The following PCDHGB1 variants were observed in gnomAD, a reference collection of about 807,000 sequenced individuals.
PCDHGB1 encodes protocadherin gamma subfamily B, 1.
Under a neutral mutation model 56.6 loss-of-function variants are expected in PCDHGB1, and 34 were observed. The observed-to-expected ratio is 0.60, with a 90% CI of 0.46 to 0.80. The LOEUF (loss-of-function observed/expected upper bound fraction) is 0.80, where lower values mean the gene tolerates loss of function less well. PCDHGB1 is among the 30% of genes least tolerant of loss of function. The pLI, the probability that PCDHGB1 is intolerant of heterozygous loss-of-function variation, is 0.00. For missense variants in PCDHGB1, 1,278 were observed against 1,204.6 expected (o/e 1.06, Z -0.90); for synonymous variants, 561 against 505.9 (o/e 1.11, Z -1.46).
intron 1 of PCDHGB1, chr5:141,418,103 G>A: frequency 1.2e-6 from 2 of 1,614,076 alleles, no homozygotes; most frequent in African/African-American, 1.3e-5. Flanking sequence ...CGCGCAGAGC[G>A]GGGACTTACT....
chr5:141,417,980 C>G lies in PCDHGB1; in HGVS notation c.2409+65311C>G, dbSNP rs905203424. On this transcript the variant is annotated intron_variant, in intron 1 of 3. Coordinates refer to ENST00000523390, the MANE Select transcript of PCDHGB1 (RefSeq NM_018922.3). ...GATCCGCTACTCGATTCCGGAGGAG[C>G]TGGCCAAGGGCTCGGTGGTGGGGAA... is the stretch of plus-strand genomic sequence containing the variant. The G allele has an allele frequency of 1.9e-6, 3 of 1,613,738 alleles. No individual in the cohort carries two copies. In the African/African-American group the frequency reaches 4.0e-5, roughly 22 times the overall value.
intron 1 of PCDHGB1, chr5:141,404,146 A>G: frequency 1.2e-6 from 2 of 1,613,058 alleles, no homozygotes; most frequent in Non-Finnish European, 1.7e-6. Context: ...AAAATTCAGA[A>G]GAAGATTATT....
At chr5:141,389,603 C>T (rs1166074538) in intron 1 of PCDHGB1, 2 of 1,613,148 alleles carry the variant, frequency 1.2e-6, no homozygotes, top group Admixed American at 1.7e-5. Context: ...CTGCGCTCTT[C>T]GATATGGTGC....
At position 141,362,518 on chromosome 5, in the gene PCDHGB1, G is replaced by A. The variant is rs914330317; in HGVS notation, c.2409+9849G>A. 3.7e-6 allele frequency: 6 copies of A among 1,613,886 alleles called. No individual in the cohort carries two copies. In the East Asian group the frequency reaches 1.1e-4, roughly 30 times the overall value. ...TTGGGAACAAAATACAAATCATGGAGCCGCTGGGGTCCCTTTTGCCTCAGA... is the reference window on the plus strand; with the variant it reads ...TTGGGAACAAAATACAAATCATGGAACCGCTGGGGTCCCTTTTGCCTCAGA... On this transcript the variant is annotated intron_variant, in intron 1 of 3. Transcript: ENST00000523390.
chr5:141,485,887 C>T lies in PCDHGB1; in HGVS notation c.2410-8920C>T. 1 of 1,614,098 alleles carries T rather than the reference C, an allele frequency of 6.2e-7. No homozygotes were observed. On this transcript the variant is annotated intron_variant, in intron 1 of 3. Transcript: ENST00000523390. The surrounding 1 kb of genome is among the most constrained non-coding windows in gnomAD (Gnocchi z 5.7). ...TATCCGTGCTGGACGTAAACGACAA[C>T]GCCCCAGCCTTCCAGCAATCCAGCT...
Position 141,418,146 on chromosome 5 carries a change from G to A in PCDHGB1, c.2409+65477G>A, listed in dbSNP as rs755513829. The A allele has an allele frequency of 1.1e-5, 18 of 1,613,970 alleles. No homozygotes were observed. In the South Asian group the frequency reaches 1.6e-4, roughly 15 times the overall value. ...GACCGAATAGACCGTGAGCAAATAT[G>A]CAAAGAGAGAAGAAGATGTGAGTTG... is the stretch of plus-strand genomic sequence containing the variant. On this transcript the variant is annotated intron_variant, in intron 1 of 3. Transcript: ENST00000523390.
chr5:141,356,262 C>T, intron 1 of PCDHGB1: 1 of 1,566,296 alleles, frequency 6.4e-7, no homozygotes, highest in South Asian at 1.2e-5. Flanking sequence ...CTCTCACCAG[C>T]TCAGTCCAGG....
chr5:141,392,194 T>C (rs1486735796), intron 1 of PCDHGB1: 1 of 152,238 alleles, frequency 6.6e-6, no homozygotes, highest in East Asian at 1.9e-4. Context: ...TCTATTTTAG[T>C]CTCAAGATAA....
Position 141,351,906 on chromosome 5 carries a change from G to A in PCDHGB1, c.1646G>A (p.Gly549Asp). 2 of 1,613,416 alleles carry A rather than the reference G, an allele frequency of 1.2e-6. No individual in the cohort carries two copies. The highest frequency in any genetic ancestry group is 1.7e-6 in the Non-Finnish European group (2 of 1,179,758). ...SANVSLRVLV[G>D]DLNDNAPRVL... ...AACGTGAGCCTGCGCGTGTTGGTGG[G>A]CGACCTCAATGACAATGCGCCACGG... The change falls in exon 1 of 4, where the codon GGC becomes GAC. Residue 549 changes from glycine (G) to aspartate (D), a missense_variant. Physicochemically the swap from Gly to Asp is moderately conservative, Grantham distance 94 (BLOSUM62 -1). Transcript: ENST00000523390.
chr5:141,376,532 G>A lies in PCDHGB1; in HGVS notation c.2409+23863G>A, dbSNP rs763806361. On this transcript the variant is annotated intron_variant, in intron 1 of 3. Transcript: ENST00000523390. ...GGTGAGTTTCTTTCCGCCTAAGCGGGAAGAGTAATCTGATCTTCCCGCAAC... is the reference window on the plus strand; with the variant it reads ...GGTGAGTTTCTTTCCGCCTAAGCGGAAAGAGTAATCTGATCTTCCCGCAAC... 3.7e-6 allele frequency: 6 copies of A among 1,613,740 alleles called. No individual in the cohort carries two copies. The Admixed American group carries it at 1.0e-4, about 27-fold the overall frequency.
rs1009141449 is a variant in PCDHGB1, at chr5:141,491,922, G to A, written c.2410-2885G>A. 2 of 1,349,026 alleles carry A rather than the reference G, an allele frequency of 1.5e-6. No individual in the cohort carries two copies. Among genetic ancestry groups the A allele is most frequent in the African/African-American group, 1.5e-5 (1 of 67,598 alleles). The allele number at this position is 1,349,026 out of a possible 1,614,324, so 83.6% of individuals were successfully genotyped here. On this transcript the variant is annotated intron_variant, in intron 1 of 3. Coordinates refer to ENST00000523390, the MANE Select transcript of PCDHGB1 (RefSeq NM_018922.3). The surrounding 1 kb of genome is among the most constrained non-coding windows in gnomAD (Gnocchi z 6.9). ...CGGGGGTGGTGGCGACTGTGGGCGAGGGGAGGTGGGACCGACCCCCACCCC... is the reference window on the plus strand; with the variant it reads ...CGGGGGTGGTGGCGACTGTGGGCGAAGGGAGGTGGGACCGACCCCCACCCC...
At chr5:141,422,604 T>C in intron 1 of PCDHGB1, 1 of 1,614,030 alleles carries the variant, frequency 6.2e-7, no homozygotes, top group Non-Finnish European at 8.5e-7. Flanking sequence ...CCTCTTACTC[T>C]GCCTACATTC....
At chr5:141,443,872 A>C (rs1446612063) in intron 1 of PCDHGB1, among the ~76,000 whole-genome samples, 4 of 152,212 alleles carry the variant, frequency 2.6e-5, no homozygotes, top group African/African-American at 9.7e-5. Flanking sequence ...AAAATTACTG[A>C]TAAGTCAAGA....
intron 1 of PCDHGB1, chr5:141,383,672 G>A: frequency 6.2e-7 from 1 of 1,614,030 alleles, no homozygotes; most frequent in Non-Finnish European, 8.5e-7. Flanking sequence ...GTGCCAGTGG[G>A]TACAAGACTG....
At chr5:141,355,112 A>T (rs1371168297) in intron 1 of PCDHGB1, 1 of 1,510,090 alleles carries the variant, frequency 6.6e-7, no homozygotes. Flanking sequence ...CTGTGAATGC[A>T]CTTTATTTTG....
At chr5:141,427,732 G>T in intron 1 of PCDHGB1, 1 of 1,190,370 alleles carries the variant, frequency 8.4e-7, no homozygotes, top group Non-Finnish European at 1.2e-6. Context: ...GGGCTGAATG[G>T]CCAAGTCTCC....
At position 141,351,375 on chromosome 5, in the gene PCDHGB1, C is replaced by A; in HGVS notation, c.1115C>A (p.Ser372Tyr). 1 of 1,612,582 alleles carries A rather than the reference C, an allele frequency of 6.2e-7. No individual in the cohort carries two copies. Among genetic ancestry groups the A allele is most frequent in the Non-Finnish European group, 8.5e-7 (1 of 1,179,196 alleles). ...CTCATAAAAGTGCGAGACAAGGATT[C>A]TGGGCAAAATGGCATGGTGACATGC... ...IALIKVRDKD[S>Y]GQNGMVTCYT... Residue 372 changes from serine (S) to tyrosine (Y), a missense_variant, in exon 1 of 4, where the codon TCT becomes TAT. Physicochemically the swap from Ser to Tyr is moderately radical, Grantham distance 144. Transcript: ENST00000523390.
At chr5:141,376,928 C>G (rs928041482) in intron 1 of PCDHGB1, 1 of 168,908 alleles carries the variant, frequency 5.9e-6, no homozygotes, top group Non-Finnish European at 1.3e-5. Flanking sequence ...ACCTCATGAT[C>G]CACCCGCCTC....
chr5:141,414,306 T>A lies in PCDHGB1; in HGVS notation c.2409+61637T>A, dbSNP rs778408885. The A allele has an allele frequency of 6.2e-6, 10 of 1,613,584 alleles. No homozygotes were observed. The Admixed American group carries it at 1.2e-4, about 19-fold the overall frequency. Reference sequence around the variant, plus strand: ...TCGTAGCCCTTTTAAATGTGCATGATTTAGACTCTGAGCAGAATGGACAGG... The same window carrying A: ...TCGTAGCCCTTTTAAATGTGCATGAATTAGACTCTGAGCAGAATGGACAGG... On this transcript the variant is annotated intron_variant, in intron 1 of 3. Coordinates refer to ENST00000523390, the MANE Select transcript of PCDHGB1 (RefSeq NM_018922.3).
Sources: gnomAD v4.1 joint callset for allele counts (sites outside exome capture counted in the v4.1 genomes callset) on GRCh38, gnomAD v4.1.1 for gene constraint, Gnocchi (gnomAD v3.1) non-coding constraint, MANE v1.5 for transcripts, NCBI Gene and HGNC (gene_info 2026-07-23, HGNC 2026-07-21) for gene names.